Variants in MEGF6 observed in about 807,000 individuals in gnomAD.
MEGF6 encodes multiple EGF like domains 6, also known as multiple epidermal growth factor-like domains protein 6.
A neutral mutation model predicts 207.1 loss-of-function variants in MEGF6; 184 were observed. That is an observed-to-expected ratio of 0.89 (90% CI 0.79 to 1.00). The LOEUF is 1.00. Ranked by LOEUF, MEGF6 falls within the 50% of genes least tolerant of loss-of-function variation. The pLI is 0.00. For missense variants in MEGF6, 2,282 were observed against 2,202.9 expected, an observed-to-expected ratio of 1.04 and a Z score of -0.72; for synonymous variants, 1,038 against 910.0, an observed-to-expected ratio of 1.14 and a Z score of -2.53.
At chr1:3,497,525 G>T in intron 26 of MEGF6, 164 bp from the exon 27 acceptor site, 1 of 1,018,028 alleles carries the variant, frequency 9.8e-7, no homozygotes, top group Non-Finnish European at 1.4e-6. Context: ...CCACCCCGGA[G>T]GGCAGAGGCA....
In MEGF6 at chr1:3,497,059, T is replaced by C. The variant is rs868246234; in HGVS notation, c.3542A>G (p.Asn1181Ser). The C allele has an allele frequency of 1.3e-6, 2 of 1,558,954 alleles. No individual in the cohort carries two copies. The highest frequency in any genetic ancestry group is 1.7e-4 in the Middle Eastern group (1 of 5,974). The change falls in exon 28 of 37, where the codon AAC becomes AGC. Residue 1181 changes from asparagine to serine, a missense_variant. Physicochemically the swap from Asn to Ser is conservative, Grantham distance 46 (BLOSUM62 1). Transcript: ENST00000356575. ...CCCGGTGGCAGGGTGGCAGGCCGGG[T>C]TCTCACCGGGACACTGGCACATCTG... ...CAQMCQCPGENPACHPATGTC... is the reference protein window; with the variant it reads ...CAQMCQCPGESPACHPATGTC...
At chr1:3,492,877 T>G (rs1569920000) in intron 34 of MEGF6, 110 bp from the exon 35 acceptor site, 1 of 1,458,902 alleles carries the variant, frequency 6.9e-7, no homozygotes, top group East Asian at 2.5e-5. Context: ...AGTGAAGCCT[T>G]CTGCCTGGGT....
At chr1:3,614,134 G>A (rs373192717), upstream of MEGF6, among the ~76,000 whole-genome samples, 6 of 152,284 alleles carry the variant, frequency 3.9e-5, no homozygotes, top group Admixed American at 3.3e-4. Context: ...CACTGCGCTC[G>A]CTCGTCCATA....
intron 26 of MEGF6, among the ~76,000 whole-genome samples, chr1:3,497,974 C>A (rs1309209256): frequency 1.3e-5 from 2 of 152,146 alleles, no homozygotes; most frequent in East Asian, 1.9e-4. Flanking sequence ...GTGGACCAGG[C>A]CCTGCCGGCA....
chr1:3,500,930 A>C (rs1264489134), intron 20 of MEGF6, 36 bp downstream of exon 20: 3 of 1,610,494 alleles, frequency 1.9e-6, no homozygotes, highest in Admixed American at 3.3e-5. Context: ...GAAAGGAGGG[A>C]TGTCTGGACA....
the MEGF6 span, chr1:3,624,596 G>C: frequency 1.3e-5 from 2 of 152,440 alleles, no homozygotes; most frequent in African/African-American, 2.4e-5. Context: ...GCGACCCTCC[G>C]TGCAGTGCGA....
intron 2 of MEGF6, among the ~76,000 whole-genome samples, chr1:3,597,954 C>T (rs756889792): frequency 2.0e-5 from 3 of 152,230 alleles, no homozygotes; most frequent in Non-Finnish European, 4.4e-5. Context: ...CAACTGCTCA[C>T]GTGCATGTGA....
At chr1:3,508,135 CCTT>C (rs1641189273) in intron 13 of MEGF6, among the ~76,000 whole-genome samples, 1 of 152,114 alleles carries the variant, frequency 6.6e-6, no homozygotes, top group Admixed American at 6.5e-5. Flanking sequence ...GGAGTCTCCT[CCTT>C]CTGAACCAGC....
At chr1:3,520,388 G>A (rs901052587) in intron 5 of MEGF6, among the ~76,000 whole-genome samples, 1 of 152,214 alleles carries the variant, frequency 6.6e-6, no homozygotes, top group Non-Finnish European at 1.5e-5. Context: ...AGGGTGTCAC[G>A]GAAAACCAAG....
chr1:3,493,023 T>C, intron 34 of MEGF6: 1 of 518,576 alleles, frequency 1.9e-6, no homozygotes, highest in South Asian at 2.7e-5. Flanking sequence ...ACGTCCAGAG[T>C]CACCACCGAG....
At chr1:3,550,517 T>C (rs1642851107) in intron 4 of MEGF6, among the ~76,000 whole-genome samples, 1 of 152,252 alleles carries the variant, frequency 6.6e-6, no homozygotes, top group South Asian at 2.1e-4. Context: ...AGGGGTTATT[T>C]TATGCAATGT....
chr1:3,572,656 TG>T (rs1284024665), intron 4 of MEGF6, among the ~76,000 whole-genome samples: 1 of 117,308 alleles, frequency 8.5e-6, no homozygotes, highest in African/African-American at 3.4e-5. Context: ...GGGTCCTTCC[TG>T]GTGTACTGGG....
intron 3 of MEGF6, among the ~76,000 whole-genome samples, chr1:3,592,743 G>T (rs1212703513): frequency 1.3e-5 from 2 of 152,198 alleles, no homozygotes; most frequent in African/African-American, 4.8e-5. Context: ...CAGCCATGGG[G>T]TTGAACAGGG....
chr1:3,511,236 GGGGTGTGACTTCCAGGACACT>G (rs1451242050), intron 9 of MEGF6, among the ~76,000 whole-genome samples: 1 of 152,242 alleles, frequency 6.6e-6, no homozygotes, highest in Non-Finnish European at 1.5e-5. Context: ...GTCAGGGTCT[GGGGTGTGACTTCCAGGACACT>G]GGGTCCTTCC....
At chr1:3,555,666 G>A (rs1014319966) in intron 4 of MEGF6, among the ~76,000 whole-genome samples, 1 of 152,226 alleles carries the variant, frequency 6.6e-6, no homozygotes, top group South Asian at 2.1e-4. Flanking sequence ...GGAGCCTGCA[G>A]GGCCGAGAGG....
chr1:3,534,441 C>G (rs12119711), intron 4 of MEGF6, among the ~76,000 whole-genome samples: 1 of 152,032 alleles, frequency 6.6e-6, no homozygotes, highest in Non-Finnish European at 1.5e-5. Flanking sequence ...GTTGGACAGC[C>G]CCAGCTTTGC....
rs564249686 is a variant in MEGF6 at position 3,565,186 on chromosome 1, G to A, written c.481+14639C>T. 1.7e-3 allele frequency among the ~76,000 whole-genome samples: 259 copies of A among 152,010 alleles called. No homozygotes were observed. Among genetic ancestry groups the A allele is most frequent in the Non-Finnish European group, 3.1e-3 (211 of 67,956 alleles). ...CCCTGGAACCCCCTGCCTGGGTCTCGTCCTCTCTCCCACTGTGTCCCCGAG... is the reference window on the plus strand; with the variant it reads ...CCCTGGAACCCCCTGCCTGGGTCTCATCCTCTCTCCCACTGTGTCCCCGAG... On this transcript the variant is annotated intron_variant, in intron 4 of 36. Coordinates refer to ENST00000356575, the MANE Select transcript of MEGF6 (RefSeq NM_001409.4). This position sits in a 1 kb window ranked among gnomAD's most constrained non-coding sequence, Gnocchi z 4.8.
intron 4 of MEGF6, among the ~76,000 whole-genome samples, chr1:3,568,963 A>T (rs994319619): frequency 6.6e-6 from 1 of 152,046 alleles, no homozygotes; most frequent in Non-Finnish European, 1.5e-5. Context: ...GGCCCATGAG[A>T]GCTGTCAGGC....
At chr1:3,568,999 G>GA (rs915428800) in intron 4 of MEGF6, among the ~76,000 whole-genome samples, 9 of 110,478 alleles carry the variant, frequency 8.1e-5, no homozygotes, top group African/African-American at 3.8e-4. Flanking sequence ...CCAGGCGAGT[G>GA]GGCAGAGCCT....
Sources: allele counts gnomAD v4.1 joint callset (sites outside exome capture counted in the v4.1 genomes callset), GRCh38; gene constraint gnomAD v4.1.1; non-coding constraint Gnocchi (gnomAD v3.1); transcripts MANE v1.5; gene names NCBI Gene and HGNC (gene_info 2026-07-23, HGNC 2026-07-21).